Variants in AUTS2 observed in about 807,000 individuals in gnomAD.
AUTS2 encodes activator of transcription and developmental regulator AUTS2.
AUTS2 carries 17 observed loss-of-function variants against 112.4 expected under a neutral mutation model. The observed-to-expected ratio is 0.15, with a 90% CI of 0.10 to 0.23. AUTS2 has a LOEUF of 0.23. Ranked by LOEUF, AUTS2 falls within the 10% of genes least tolerant of loss-of-function variation. The pLI, the probability that AUTS2 is intolerant of heterozygous loss-of-function variation, is 1.00. For synonymous variants in AUTS2, 751 were observed against 702.7 expected, an observed-to-expected ratio of 1.07 and a Z score of -1.09; for missense variants, 1,510 against 1,701.6, an observed-to-expected ratio of 0.89 and a Z score of 1.98.
chr7:70,735,006 G>GA (rs879469662), intron 6 of AUTS2, among the ~76,000 whole-genome samples: 86 of 142,342 alleles, frequency 6.0e-4, no homozygotes, highest in Middle Eastern at 3.5e-3. Flanking sequence ...TCTGGAGGAG[G>GA]AAAAAAAAAA....
intron 5 of AUTS2, among the ~76,000 whole-genome samples, chr7:70,580,955 A>G (rs10237317): frequency 0.41 from 63,012 of 152,038 alleles, 13,505 homozygotes; most frequent in East Asian, 0.67. Context: ...AACCAAAAAA[A>G]TAGTTGAGGC....
intron 5 of AUTS2, among the ~76,000 whole-genome samples, chr7:70,463,971 A>G (rs1797073985): frequency 6.6e-6 from 1 of 152,186 alleles, no homozygotes; most frequent in Non-Finnish European, 1.5e-5. Flanking sequence ...ATCAAAACAC[A>G]ATGTTCAACA....
intron 5 of AUTS2, among the ~76,000 whole-genome samples, chr7:70,602,985 T>G (rs1021929040): frequency 6.6e-6 from 1 of 152,220 alleles, no homozygotes; most frequent in African/African-American, 2.4e-5. Context: ...AGAACTGTGT[T>G]GTGAAAAAAG....
At chr7:70,709,066 C>T (rs1308486864) in intron 6 of AUTS2, among the ~76,000 whole-genome samples, 3 of 151,742 alleles carry the variant, frequency 2.0e-5, no homozygotes, top group Non-Finnish European at 2.9e-5. Context: ...TACAGGTGCC[C>T]GCCACCACGC....
chr7:70,291,777 G>C (rs993376701), intron 4 of AUTS2: 2 of 152,148 alleles, frequency 1.3e-5, no homozygotes, highest in African/African-American at 4.8e-5. Flanking sequence ...CCATTCCAAT[G>C]ATCAAATGGA....
intron 5 of AUTS2, among the ~76,000 whole-genome samples, chr7:70,624,772 C>A (rs1804851024): frequency 6.6e-6 from 1 of 152,208 alleles, no homozygotes; most frequent in Non-Finnish European, 1.5e-5. Context: ...CAGATTTAGT[C>A]AGATGACAAA....
chr7:70,038,338 A>T (rs1283725460), intron 2 of AUTS2, among the ~76,000 whole-genome samples: 2 of 152,198 alleles, frequency 1.3e-5, no homozygotes, highest in African/African-American at 4.8e-5. Context: ...CTGGGTTTCC[A>T]AAGAGAGAAC....
In AUTS2 at chr7:70,694,121, G is replaced by A. The variant is rs1256010545; in HGVS notation, c.691-4448G>A. 1 of 151,310 alleles carries A rather than the reference G, an allele frequency of 6.6e-6. No homozygotes were observed. Among genetic ancestry groups the A allele is most frequent in the East Asian group, 1.9e-4 (1 of 5,144 alleles). The allele number at this position is 151,310 out of a possible 1,614,324, so 9.4% of individuals were successfully genotyped here. A position where few individuals can be genotyped will look rare whatever the true frequency, so the allele number is the denominator to read the frequency against. ...GCGAAGTCCGGAGCAAGGGGCCCCCGCGTAGCCGCCGCCCCCTCCTGCTAC... is the reference window on the plus strand; with the variant it reads ...GCGAAGTCCGGAGCAAGGGGCCCCCACGTAGCCGCCGCCCCCTCCTGCTAC... On this transcript the variant is annotated intron_variant, in intron 5 of 18. Transcript: ENST00000342771. This position sits in a 1 kb window ranked among gnomAD's most constrained non-coding sequence, Gnocchi z 4.1.
intron 1 of AUTS2, among the ~76,000 whole-genome samples, chr7:69,851,328 G>T (rs2129529869): frequency 6.6e-6 from 1 of 152,238 alleles, no homozygotes; most frequent in African/African-American, 2.4e-5. Context: ...AGGTATTCTA[G>T]TTTCTTTCCA....
At chr7:70,746,861 C>G (rs888485153) in intron 6 of AUTS2, among the ~76,000 whole-genome samples, 5 of 152,202 alleles carry the variant, frequency 3.3e-5, no homozygotes, top group African/African-American at 1.2e-4. Context: ...GATCGATTTA[C>G]ATTTTAAGAG....
At chr7:70,718,273 G>T (rs568901677) in intron 6 of AUTS2, among the ~76,000 whole-genome samples, 16 of 152,220 alleles carry the variant, frequency 1.1e-4, no homozygotes, top group African/African-American at 3.9e-4. Context: ...CTCCATCCCA[G>T]TTCACCTTTT....
At position 70,792,978 on chromosome 7, in the gene AUTS2, T is replaced by A. The variant is rs1225869299; in HGVS notation, c.*1982T>A. On this transcript the variant is annotated 3_prime_UTR_variant, in exon 19 of 19. Transcript: ENST00000342771. ...AGAAACACCTCGAACCCAGCCCGTG[T>A]AAGAACAGAAGGCTCACCTGCAGTG... The A allele has an allele frequency of 6.6e-6, 1 of 152,632 alleles. No homozygotes were observed. Among genetic ancestry groups the A allele is most frequent in the African/African-American group, 2.4e-5 (1 of 41,440 alleles). The allele number at this position is 152,632 out of a possible 1,614,324, so 9.5% of individuals were successfully genotyped here. A position where few individuals can be genotyped will look rare whatever the true frequency, so the allele number is the denominator to read the frequency against.
intron 4 of AUTS2, among the ~76,000 whole-genome samples, chr7:70,260,990 A>G (rs988410335): frequency 1.3e-5 from 2 of 151,640 alleles, no homozygotes; most frequent in Admixed American, 6.6e-5. Flanking sequence ...CTTGTGATCC[A>G]CCCGCCTCGG....
At chr7:70,108,649 G>GT (rs1804898617) in intron 2 of AUTS2, among the ~76,000 whole-genome samples, 1 of 151,724 alleles carries the variant, frequency 6.6e-6, no homozygotes, top group Admixed American at 6.6e-5. Context: ...CTTTTTTACT[G>GT]TAACTACAAC....
chr7:70,322,011 A>G (rs1286504543), intron 4 of AUTS2, among the ~76,000 whole-genome samples: 1 of 152,188 alleles, frequency 6.6e-6, no homozygotes, highest in Non-Finnish European at 1.5e-5. Context: ...AGGGACATTT[A>G]ACAACTGTAC....
At chr7:70,216,997 C>A (rs1811200188) in intron 4 of AUTS2, among the ~76,000 whole-genome samples, 1 of 152,100 alleles carries the variant, frequency 6.6e-6, no homozygotes, top group Non-Finnish European at 1.5e-5. Flanking sequence ...GTGACCTCCA[C>A]CTCCCAGGTT....
chr7:69,794,023 AAATT>A (rs1326457444), intron 1 of AUTS2, among the ~76,000 whole-genome samples: 1 of 152,172 alleles, frequency 6.6e-6, no homozygotes, highest in African/African-American at 2.4e-5. Flanking sequence ...CGTGGAGGGA[AAATT>A]ATGCTGATTA....
chr7:70,194,726 A>G (rs1202136278), intron 4 of AUTS2: 1 of 152,234 alleles, frequency 6.6e-6, no homozygotes, highest in Non-Finnish European at 1.5e-5. Context: ...GTGAATTTAC[A>G]TCTGTTTTGA....
rs1035517466 is a variant in AUTS2, at chr7:70,764,781, C to T, written c.1244C>T (p.Thr415Ile). 1 of 813,350 alleles carries T rather than the reference C, an allele frequency of 1.2e-6. No homozygotes were observed. The highest frequency in any genetic ancestry group is 2.1e-6 in the Non-Finnish European group (1 of 472,274). The allele number at this position is 813,350 out of a possible 1,614,324, so 50.4% of individuals were successfully genotyped here. A position where few individuals can be genotyped will look rare whatever the true frequency, so the allele number is the denominator to read the frequency against. ...SSSRSSTPAK[T>I]QPAPPHISHH... The stretch of plus-strand genomic sequence containing the variant: ...AGCAGAAGCAGCACTCCAGCGAAGA[C>T]TCAGCCCGCCCCACCTCACATCTCC... The change falls in exon 8 of 19, where the codon ACT (threonine) becomes ATT (isoleucine). Residue 415 changes from threonine to isoleucine, a missense_variant. Around this residue, in one of 3 missense-constraint regions of AUTS2, gnomAD observed 535 missense variants for 594.3 expected, o/e 0.90. Coordinates refer to ENST00000342771, the MANE Select transcript of AUTS2 (RefSeq NM_015570.4).
Sources: allele counts gnomAD v4.1 joint callset (sites outside exome capture counted in the v4.1 genomes callset), GRCh38; gene constraint gnomAD v4.1.1; regional missense constraint gnomAD v4.1.1; non-coding constraint Gnocchi (gnomAD v3.1); transcripts MANE v1.5; gene names NCBI Gene and HGNC (gene_info 2026-07-23, HGNC 2026-07-21).